Variants in FBN1 observed in about 807,000 individuals in gnomAD.
FBN1 encodes the protein fibrillin-1.
In FBN1, 29 loss-of-function variants were observed where a neutral mutation model predicts 365.1. The observed-to-expected ratio is 0.08, with a 90% CI of 0.06 to 0.11. The LOEUF is 0.11. FBN1 is among the 10% of genes least tolerant of loss of function. FBN1 has a pLI of 1.00. For synonymous variants in FBN1, 1,210 were observed against 1,270.5 expected (o/e 0.95, Z 1.01); for missense variants, 2,476 against 3,703.2 (o/e 0.67, Z 8.60).
chr15:48,468,723 T>C (rs774790736), intron 36 of FBN1, among the ~76,000 whole-genome samples, 189 bp from the exon 37 acceptor site: 15 of 152,138 alleles, frequency 9.9e-5, no homozygotes, highest in Non-Finnish European at 1.2e-4. Flanking sequence ...ATATAGTCTT[T>C]GGTGGTCTTT....
chr15:48,478,050 C>T (rs370507502), intron 32 of FBN1, among the ~76,000 whole-genome samples: 6 of 152,236 alleles, frequency 3.9e-5, no homozygotes, highest in African/African-American at 1.4e-4. Flanking sequence ...CAAACACCTG[C>T]CTTCTCTGCC....
At chr15:48,461,494 T>C (rs1408049663) in intron 42 of FBN1, among the ~76,000 whole-genome samples, 1 of 152,166 alleles carries the variant, frequency 6.6e-6, no homozygotes, top group Non-Finnish European at 1.5e-5. Flanking sequence ...ACACTTTATA[T>C]TAGAACAGCT....
intron 9 of FBN1, among the ~76,000 whole-genome samples, chr15:48,523,044 C>T (rs2043873544): frequency 6.6e-6 from 1 of 152,282 alleles, no homozygotes; most frequent in East Asian, 1.9e-4. Flanking sequence ...ATTGAACTTC[C>T]TACATTCTAA....
chr15:48,419,860 C>T (rs1566891127), intron 63 of FBN1, among the ~76,000 whole-genome samples: 1 of 152,186 alleles, frequency 6.6e-6, no homozygotes. Flanking sequence ...CAGACGCTTG[C>T]TGAATGAACA....
At chr15:48,460,881 GTCTC>G (rs1263228661) in intron 42 of FBN1, among the ~76,000 whole-genome samples, 2 of 151,912 alleles carry the variant, frequency 1.3e-5, no homozygotes, top group African/African-American at 2.4e-5. Context: ...CTCCTTTTCT[GTCTC>G]TCTCTGTCTT....
At chr15:48,521,034 T>C (rs1344505716) in intron 9 of FBN1, among the ~76,000 whole-genome samples, 1 of 152,136 alleles carries the variant, frequency 6.6e-6, no homozygotes, top group Non-Finnish European at 1.5e-5. Context: ...GCTAGTGCAC[T>C]TGGCTGAAGT....
intron 63 of FBN1, chr15:48,416,625 A>G (rs542754951): frequency 9.2e-5 from 14 of 152,354 alleles, no homozygotes; most frequent in African/African-American, 3.4e-4. Context: ...GCTAAGAAGC[A>G]GGAAAAAGAA....
chr15:48,593,595 C>G (rs1433922073), intron 6 of FBN1, among the ~76,000 whole-genome samples: 1 of 152,108 alleles, frequency 6.6e-6, no homozygotes, highest in Non-Finnish European at 1.5e-5. Context: ...GCAATTATTT[C>G]CAGGAGATAC....
intron 44 of FBN1, among the ~76,000 whole-genome samples, chr15:48,453,086 G>A (rs191319942): frequency 9.9e-5 from 15 of 152,070 alleles, no homozygotes; most frequent in East Asian, 5.8e-4. Context: ...GTGAAACCCC[G>A]TCTCTACTAA....
chr15:48,601,616 G>A (rs2044568251), intron 4 of FBN1, among the ~76,000 whole-genome samples: 1 of 152,170 alleles, frequency 6.6e-6, no homozygotes, highest in Admixed American at 6.5e-5. Flanking sequence ...CCTCCCAACA[G>A]CCACCCTGTC....
At chr15:48,610,660 C>G in intron 4 of FBN1, 68 bp downstream of exon 4, 2 of 1,240,584 alleles carry the variant, frequency 1.6e-6, no homozygotes, top group Non-Finnish European at 2.3e-6. Context: ...AAGCCAAAAT[C>G]AAATTTAGGA....
chr15:48,500,426 GA>G (rs150854172), intron 17 of FBN1, among the ~76,000 whole-genome samples: 12,711 of 152,174 alleles, frequency 0.084, 535 homozygotes, highest in Middle Eastern at 0.14. Flanking sequence ...TAATTGCTGG[GA>G]GTTTTGGAAG....
chr15:48,482,668 C>T (rs940610992), intron 31 of FBN1, among the ~76,000 whole-genome samples: 2 of 152,172 alleles, frequency 1.3e-5, no homozygotes, highest in African/African-American at 4.8e-5. Context: ...GAGAGCTACA[C>T]AGAAGAAAGC....
chr15:48,626,175 T>C (rs1889873030), intron 2 of FBN1, among the ~76,000 whole-genome samples: 1 of 151,454 alleles, frequency 6.6e-6, no homozygotes, highest in Admixed American at 6.6e-5. Context: ...GAGGATCACT[T>C]GAGCCCAGGA....
Position 48,587,516 on chromosome 15 carries a change from A to C in FBN1, c.538+8767T>G, listed in dbSNP as rs185867015. Among the ~76,000 whole-genome samples, 332 of 152,286 alleles carry C rather than the reference A, an allele frequency of 2.2e-3. 4 individuals carry two copies. Among genetic ancestry groups the C allele is most frequent in the African/African-American group, 7.7e-3 (319 of 41,540 alleles). On this transcript the variant is annotated intron_variant, in intron 6 of 65. Transcript: ENST00000316623. ...GTTGTGCCTTTGCCTCTTCTCCCAC[A>C]GAAGGGCTCCAGTACCATGAAAGCT...
intron 2 of FBN1, among the ~76,000 whole-genome samples, chr15:48,624,450 G>C (rs1376921512): frequency 6.6e-6 from 1 of 152,238 alleles, no homozygotes; most frequent in Non-Finnish European, 1.5e-5. Context: ...CACATGTCTG[G>C]TTGGTTGGGT....
At chr15:48,530,018 G>A (rs113589660) in intron 8 of FBN1, among the ~76,000 whole-genome samples, 3 of 1,856 alleles carry the variant, frequency 1.6e-3, no homozygotes, top group South Asian at 0.028. Context: ...TGCTGCATCC[G>A]CCGCCCGATC....
At position 48,422,685 on chromosome 15, in the gene FBN1, G is replaced by A. The variant is rs189618390; in HGVS notation, c.7454-617C>T. Among the ~76,000 whole-genome samples the A allele has an allele frequency of 3.3e-3, 502 of 152,340 alleles. 3 individuals are homozygous for A. Among genetic ancestry groups the A allele is most frequent in the Admixed American group, 7.2e-3 (110 of 15,304 alleles). Reference sequence around the variant, plus strand: ...TAATAAAACTGCCTCCAGGCCAAGCGTGGTGGCTCATGCCTGTATTCCCAG... The same window carrying A: ...TAATAAAACTGCCTCCAGGCCAAGCATGGTGGCTCATGCCTGTATTCCCAG... On this transcript the variant is annotated intron_variant, in intron 60 of 65. Transcript: ENST00000316623.
intron 44 of FBN1, among the ~76,000 whole-genome samples, chr15:48,454,460 AAAC>A (rs1173798662): frequency 6.8e-6 from 1 of 146,962 alleles, no homozygotes; most frequent in South Asian, 2.3e-4. Flanking sequence ...CAACAACAAC[AAAC>A]AACAACAACA....
Sources: allele counts gnomAD v4.1 joint callset (sites outside exome capture counted in the v4.1 genomes callset), GRCh38; gene constraint gnomAD v4.1.1; transcripts MANE v1.5; gene names NCBI Gene and HGNC (gene_info 2026-07-23, HGNC 2026-07-21).